The following PIGF variants were observed in gnomAD, a reference collection of about 807,000 sequenced individuals.
The protein encoded by PIGF is phosphatidylinositol glycan anchor biosynthesis class F.
In PIGF, 23 loss-of-function variants were observed where a neutral mutation model predicts 26.0. The ratio of observed to expected loss-of-function variants is 0.88; its 90% CI spans 0.64 to 1.25. The LOEUF is 1.25. Among genes scored for constraint, PIGF ranks in the 50% most tolerant of loss-of-function variants. The probability of loss-of-function intolerance (pLI) is 0.00; values close to 1 mark genes in which losing one functional copy is unlikely to be tolerated. For synonymous variants in PIGF, 93 were observed against 92.6 expected (o/e 1.00, Z -0.03); for missense variants, 278 against 249.9 (o/e 1.11, Z -0.76).
intron 4 of PIGF, among the ~76,000 whole-genome samples, chr2:46,599,000 G>A (rs184342093): frequency 2.2e-4 from 34 of 152,202 alleles, no homozygotes; most frequent in South Asian, 2.1e-4. Context: ...ATTTTCCCTC[G>A]AAAGAAATAT....
At chr2:46,604,142 G>T (rs1212581914) in intron 4 of PIGF, among the ~76,000 whole-genome samples, 1 of 152,000 alleles carries the variant, frequency 6.6e-6, no homozygotes. Flanking sequence ...TCAGAGAAAT[G>T]CAAATCAATA....
chr2:46,606,134 C>G (rs1670214554), intron 4 of PIGF, among the ~76,000 whole-genome samples: 1 of 152,152 alleles, frequency 6.6e-6, no homozygotes, highest in South Asian at 2.1e-4. Flanking sequence ...TACTGGCAAA[C>G]TCTAACTCAT....
At position 46,599,496 on chromosome 2, in the gene PIGF, C is replaced by G. The variant is rs545564762; in HGVS notation, c.438-6913G>C. Among the ~76,000 whole-genome samples, 10 of 152,264 alleles carry G rather than the reference C, an allele frequency of 6.6e-5. No homozygotes were observed. The South Asian group carries it at 2.1e-3, about 32-fold the overall frequency. The stretch of plus-strand genomic sequence containing the variant: ...CTAAATGCTTTATTCTTCCCAACCC[C>G]CTCCCTACCCCGCATTCATTTTGAT... On this transcript the variant is annotated intron_variant, in intron 4 of 5. Coordinates refer to ENST00000281382, the MANE Select transcript of PIGF (RefSeq NM_002643.4).
At chr2:46,595,722 C>G (rs1669861609) in intron 4 of PIGF, among the ~76,000 whole-genome samples, 1 of 152,188 alleles carries the variant, frequency 6.6e-6, no homozygotes, top group African/African-American at 2.4e-5. Context: ...TTCCCACCAG[C>G]AGTGTATGAG....
At chr2:46,585,347 C>A (rs1223703238) in intron 5 of PIGF, among the ~76,000 whole-genome samples, 1 of 152,054 alleles carries the variant, frequency 6.6e-6, no homozygotes, top group Non-Finnish European at 1.5e-5. Flanking sequence ...ATAGAAGAAA[C>A]AACCTATGGT....
intron 4 of PIGF, among the ~76,000 whole-genome samples, chr2:46,601,529 C>A (rs1311687977): frequency 1.3e-5 from 2 of 152,040 alleles, no homozygotes; most frequent in East Asian, 3.8e-4. Context: ...CTAGTCTCTT[C>A]ATCTAAAAAA....
intron 1 of PIGF, chr2:46,616,467 C>G (rs574259503): frequency 1.3e-5 from 2 of 152,454 alleles, no homozygotes; most frequent in Non-Finnish European, 2.9e-5. Flanking sequence ...CAAATGTTTG[C>G]TGAATGAATG....
Position 46,581,502 on chromosome 2 carries a change from C to T in PIGF, c.636G>A (p.Lys212=). 1.2e-6 allele frequency: 2 copies of T among 1,611,398 alleles called. No homozygotes were observed. Among genetic ancestry groups the T allele is most frequent in the Non-Finnish European group, 8.5e-7 (1 of 1,179,490 alleles). ...GTTAATTGTTCTTGTATGTAAGTTGCTTTCTATTCCAGTATATCCAGAGTG... is the reference window on the plus strand; with the variant it reads ...GTTAATTGTTCTTGTATGTAAGTTGTTTTCTATTCCAGTATATCCAGAGTG... The part of the protein sequence containing the change: ...ISPLWIYWNR[K]QLTYKNN The change falls in exon 6 of 6, where the codon AAG becomes AAA. Residue 212 remains lysine (K), a synonymous_variant. Transcript: ENST00000281382.
At position 46,613,683 on chromosome 2, in the gene PIGF, T is replaced by C; in HGVS notation, c.320+11A>G. ...TAAAATATAAATTTAGGGTAAAAATTTCAAACTTACTCTATCAGTGGTGCT... is the reference window on the plus strand; with the variant it reads ...TAAAATATAAATTTAGGGTAAAAATCTCAAACTTACTCTATCAGTGGTGCT... On this transcript the variant is annotated intron_variant, in intron 3 of 5. Transcript: ENST00000281382. 2 of 1,501,212 alleles carry C rather than the reference T, an allele frequency of 1.3e-6. No individual in the cohort carries two copies. The highest frequency in any genetic ancestry group is 1.8e-6 in the Non-Finnish European group (2 of 1,114,062). 93.0% of individuals were successfully genotyped at this position (1,501,212 alleles called of 1,614,324 possible).
intron 5 of PIGF, among the ~76,000 whole-genome samples, chr2:46,592,116 C>CTGAA (rs1669739880): frequency 6.6e-6 from 1 of 152,118 alleles, no homozygotes; most frequent in South Asian, 2.1e-4. Flanking sequence ...ACTTGGGAGG[C>CTGAA]TGAAGCAGGA....
chr2:46,598,315 T>A (rs1487062344), intron 4 of PIGF, among the ~76,000 whole-genome samples: 1 of 152,178 alleles, frequency 6.6e-6, no homozygotes, highest in Non-Finnish European at 1.5e-5. Context: ...TTTCTGGATT[T>A]TATTTGACGT....
At chr2:46,592,849 A>C (rs1032069259) in intron 4 of PIGF, among the ~76,000 whole-genome samples, 4 of 152,174 alleles carry the variant, frequency 2.6e-5, no homozygotes, top group Non-Finnish European at 5.9e-5. Context: ...TAAGTCTTCC[A>C]CCCCTATCAT....
intron 5 of PIGF, among the ~76,000 whole-genome samples, chr2:46,590,697 T>C (rs1669698730): frequency 6.6e-6 from 1 of 152,180 alleles, no homozygotes; most frequent in Admixed American, 6.5e-5. Flanking sequence ...AATTTAGAAA[T>C]CACTGACACT....
In PIGF at chr2:46,612,255, G is replaced by C; in HGVS notation, c.410C>G (p.Ala137Gly). ...CLCLLGPNLK[A>G]WLRVFSRNGV... ...ATTTCTACTGAACACTCTTAGCCAT[G>C]CTTTGAGGTTTGGTCCTAACAAACA... The change falls in exon 4 of 6, where the codon GCA (alanine) becomes GGA (glycine). Residue 137 changes from alanine (A) to glycine (G), a missense_variant. By Grantham distance (60) the Ala-to-Gly change is moderately conservative. Coordinates refer to ENST00000281382, the MANE Select transcript of PIGF (RefSeq NM_002643.4). 1.4e-6 allele frequency: 2 copies of C among 1,391,166 alleles called. No homozygotes were observed. The highest frequency in any genetic ancestry group is 1.9e-6 in the Non-Finnish European group (2 of 1,042,228). 86.2% of individuals were successfully genotyped at this position (1,391,166 alleles called of 1,614,324 possible). A position where few individuals can be genotyped will look rare whatever the true frequency, so the allele number is the denominator to read the frequency against.
chr2:46,612,119 T>G (rs1031158977), intron 4 of PIGF, 109 bp downstream of exon 4: 1 of 402,894 alleles, frequency 2.5e-6, no homozygotes, highest in African/African-American at 2.1e-5. Flanking sequence ...CTGAGCACCA[T>G]CAGCAATGAG....
At chr2:46,613,185 A>C (rs899968372) in intron 3 of PIGF, among the ~76,000 whole-genome samples, 2 of 152,104 alleles carry the variant, frequency 1.3e-5, no homozygotes, top group African/African-American at 4.8e-5. Flanking sequence ...AACATTATGT[A>C]AGAAACATTC....
intron 5 of PIGF, among the ~76,000 whole-genome samples, chr2:46,590,956 T>G (rs1056759253): frequency 1.4e-4 from 21 of 152,174 alleles, no homozygotes; most frequent in Non-Finnish European, 8.8e-5. Flanking sequence ...TAGAGCTAAA[T>G]GTAGGCAGTT....
At chr2:46,599,105 G>C (rs954132043) in intron 4 of PIGF, among the ~76,000 whole-genome samples, 2 of 152,202 alleles carry the variant, frequency 1.3e-5, no homozygotes, top group Non-Finnish European at 2.9e-5. Context: ...CTCATGGTTT[G>C]AGATGTAGGA....
At chr2:46,591,993 A>T (rs920941038) in intron 5 of PIGF, 6 of 1,291,780 alleles carry the variant, frequency 4.6e-6, no homozygotes, top group Non-Finnish European at 6.1e-6. Context: ...ATATAAGACC[A>T]CAAGGGCAAT....
Sources: allele counts gnomAD v4.1 joint callset (sites outside exome capture counted in the v4.1 genomes callset), GRCh38; gene constraint gnomAD v4.1.1; transcripts MANE v1.5; gene names NCBI Gene and HGNC (gene_info 2026-07-23, HGNC 2026-07-21).